LAMA2: variants seen among roughly 807,000 people sequenced by gnomAD.
LAMA2 encodes laminin subunit alpha-2.
LAMA2 carries 269 observed loss-of-function variants against 364.8 expected under a neutral mutation model. That is an observed-to-expected ratio of 0.74 (90% confidence interval 0.67 to 0.82). LAMA2 has a LOEUF of 0.82. Among genes scored for constraint, LAMA2 ranks in the 40% least tolerant of loss-of-function variants. The pLI, the probability that LAMA2 is intolerant of heterozygous loss-of-function variation, is 0.00. For missense variants in LAMA2, 3,807 were observed against 3,873.2 expected (o/e 0.98, Z 0.45); for synonymous variants, 1,379 against 1,370.6 (o/e 1.01, Z -0.14).
At chr6:129,106,873 A>T (rs867696002) in intron 4 of LAMA2, among the ~76,000 whole-genome samples, 93 of 132,488 alleles carry the variant, frequency 7.0e-4, no homozygotes, top group Middle Eastern at 7.4e-3. Flanking sequence ...AAAAAAAAAA[A>T]AAATATATAT....
At chr6:129,391,172 C>T (rs1779296372) in intron 35 of LAMA2, among the ~76,000 whole-genome samples, 1 of 152,204 alleles carries the variant, frequency 6.6e-6, no homozygotes, top group Non-Finnish European at 1.5e-5. Flanking sequence ...TGTTATGCTA[C>T]AGGTCACTGT....
chr6:129,402,538 G>A (rs1780041089), intron 39 of LAMA2, 51 bp downstream of exon 39: 1 of 1,536,524 alleles, frequency 6.5e-7, no homozygotes, highest in Non-Finnish European at 9.0e-7. Context: ...CTTGTCCAAA[G>A]GTTTTGACTA....
chr6:129,151,570 A>G (rs1778794660), intron 7 of LAMA2, among the ~76,000 whole-genome samples: 1 of 152,122 alleles, frequency 6.6e-6, no homozygotes, highest in South Asian at 2.1e-4. Flanking sequence ...GAGACTGGGT[A>G]ATTTATAAAG....
At chr6:129,454,434 G>GA in intron 47 of LAMA2, 146 bp downstream of exon 47, 1 of 654,298 alleles carries the variant, frequency 1.5e-6, no homozygotes, top group Non-Finnish European at 2.6e-6. Flanking sequence ...ACATGTCTGG[G>GA]AGTGGGTATG....
chr6:129,328,151 G>C (rs1295458802), intron 28 of LAMA2, 127 bp from the exon 29 acceptor site: 2 of 819,362 alleles, frequency 2.4e-6, no homozygotes, highest in Non-Finnish European at 4.3e-6. Context: ...ACTTGCGTTT[G>C]TAAGTGATGT....
intron 1 of LAMA2, among the ~76,000 whole-genome samples, chr6:128,944,254 A>C (rs1447351046): frequency 6.6e-6 from 1 of 152,164 alleles, no homozygotes; most frequent in African/African-American, 2.4e-5. Flanking sequence ...TAAATGAATT[A>C]ATTTTGGACT....
chr6:129,357,469 C>A (rs1024533309), intron 32 of LAMA2, among the ~76,000 whole-genome samples: 12 of 151,868 alleles, frequency 7.9e-5, no homozygotes, highest in Non-Finnish European at 1.6e-4. Flanking sequence ...GATATATCAG[C>A]TTTTATTATT....
intron 1 of LAMA2, among the ~76,000 whole-genome samples, chr6:128,970,633 G>A (rs1330827815): frequency 2.0e-5 from 3 of 152,152 alleles, no homozygotes; most frequent in African/African-American, 7.2e-5. Context: ...AAATAAATTT[G>A]CATTACAAAA....
chr6:129,457,937 G>C (rs1783055024), intron 48 of LAMA2, among the ~76,000 whole-genome samples: 1 of 152,058 alleles, frequency 6.6e-6, no homozygotes, highest in South Asian at 2.1e-4. Context: ...TGAAGGCCCT[G>C]CCCCTCACCA....
chr6:128,935,514 G>T (rs1197651365), intron 1 of LAMA2, among the ~76,000 whole-genome samples: 1 of 152,092 alleles, frequency 6.6e-6, no homozygotes, highest in Non-Finnish European at 1.5e-5. Context: ...GAATAGTGCT[G>T]CAGTAAACAT....
intron 3 of LAMA2, among the ~76,000 whole-genome samples, chr6:129,073,504 C>T (rs973613541): frequency 6.6e-6 from 1 of 152,156 alleles, no homozygotes; most frequent in East Asian, 1.9e-4. Flanking sequence ...ACTTCAGTCA[C>T]ATCCCTGCTA....
At chr6:128,961,173 A>G (rs1781465999) in intron 1 of LAMA2, among the ~76,000 whole-genome samples, 1 of 151,076 alleles carries the variant, frequency 6.6e-6, no homozygotes, top group Admixed American at 6.6e-5. Context: ...ATCACACTCT[A>G]CAATATGTAG....
chr6:128,911,172 G>C (rs1333803518), intron 1 of LAMA2, among the ~76,000 whole-genome samples: 1 of 152,134 alleles, frequency 6.6e-6, no homozygotes, highest in Non-Finnish European at 1.5e-5. Flanking sequence ...CACCCAGTTC[G>C]AGCTTCCCGG....
At chr6:129,027,272 CATT>C (rs1785888720) in intron 1 of LAMA2, among the ~76,000 whole-genome samples, 1 of 152,012 alleles carries the variant, frequency 6.6e-6, no homozygotes, top group African/African-American at 2.4e-5. Context: ...AGCACTTCAT[CATT>C]ATTTGCTGAA....
intron 3 of LAMA2, among the ~76,000 whole-genome samples, chr6:129,083,534 AAAAC>A (rs533567270): frequency 1.3e-5 from 2 of 152,216 alleles, no homozygotes; most frequent in Admixed American, 6.5e-5. Context: ...TGCAATAATA[AAAAC>A]AAACAAACAA....
intron 4 of LAMA2, among the ~76,000 whole-genome samples, chr6:129,106,900 G>A (rs1379647845): frequency 1.4e-5 from 2 of 147,074 alleles, no homozygotes; most frequent in Non-Finnish European, 3.0e-5. Flanking sequence ...ACAATGCCCA[G>A]AAAGTATCCA....
intron 45 of LAMA2, among the ~76,000 whole-genome samples, chr6:129,449,263 AT>A (rs1782543458): frequency 1.3e-5 from 2 of 152,162 alleles, no homozygotes; most frequent in Non-Finnish European, 2.9e-5. Flanking sequence ...AGACTGGGTA[AT>A]TTATAAAGAA....
At chr6:129,198,711 A>C (rs1466425830) in intron 12 of LAMA2, among the ~76,000 whole-genome samples, 1 of 152,208 alleles carries the variant, frequency 6.6e-6, no homozygotes, top group Non-Finnish European at 1.5e-5. Context: ...GAAGTATCAG[A>C]AAATAAACAA....
intron 40 of LAMA2, among the ~76,000 whole-genome samples, chr6:129,408,726 C>G (rs898229592): frequency 3.3e-5 from 5 of 152,110 alleles, no homozygotes; most frequent in Admixed American, 1.3e-4. Context: ...TCAGCGGTGG[C>G]TATAGTCAGG....
Sources: gnomAD v4.1 joint callset for allele counts (sites outside exome capture counted in the v4.1 genomes callset) on GRCh38, gnomAD v4.1.1 for gene constraint, MANE v1.5 for transcripts, NCBI Gene and HGNC (gene_info 2026-07-23, HGNC 2026-07-21) for gene names.